ADGRE3: variants seen among roughly 807,000 people sequenced by gnomAD.
ADGRE3 encodes EGF-like module receptor 3.
In ADGRE3, 88 loss-of-function variants were observed where a neutral mutation model predicts 80.1. The ratio of observed to expected loss-of-function variants is 1.10; its 90% CI spans 0.93 to 1.31. ADGRE3 has a LOEUF of 1.31. Ranked by LOEUF, ADGRE3 falls within the 40% of genes most tolerant of loss-of-function variation. The pLI is 0.00. For missense variants in ADGRE3, 715 were observed against 776.5 expected, an observed-to-expected ratio of 0.92 and a Z score of 0.94; for synonymous variants, 281 against 294.8, an observed-to-expected ratio of 0.95 and a Z score of 0.48.
At chr19:14,661,590 C>CCTT (rs1971944768) in intron 4 of ADGRE3, among the ~76,000 whole-genome samples, 1 of 152,198 alleles carries the variant, frequency 6.6e-6, no homozygotes, top group South Asian at 2.1e-4. Context: ...ACTTGAACTT[C>CCTT]CTTCTTTCCT....
intron 14 of ADGRE3, among the ~76,000 whole-genome samples, chr19:14,627,337 T>C (rs146454378): frequency 3.9e-5 from 6 of 152,312 alleles, no homozygotes; most frequent in African/African-American, 1.4e-4. Context: ...CAATGAGTGC[T>C]TATACTCGTT....
chr19:14,642,135 G>C (rs1231439000), intron 9 of ADGRE3, among the ~76,000 whole-genome samples: 2 of 152,136 alleles, frequency 1.3e-5, no homozygotes, highest in East Asian at 1.9e-4. Flanking sequence ...TGCACGATAT[G>C]ATTGTACTTT....
At chr19:14,665,787 C>T (rs1400096705) in intron 2 of ADGRE3, among the ~76,000 whole-genome samples, 2 of 150,646 alleles carry the variant, frequency 1.3e-5, no homozygotes, top group Non-Finnish European at 3.0e-5. Flanking sequence ...GCCACCATGC[C>T]TAGCCTTTGG....
At chr19:14,614,589 T>G (rs979805617), downstream of ADGRE3, among the ~76,000 whole-genome samples, 24 of 152,026 alleles carry the variant, frequency 1.6e-4, no homozygotes, top group Middle Eastern at 3.2e-3. Flanking sequence ...AATCTTTTTT[T>G]TTTTTTGGGC....
At chr19:14,665,936 G>GTATATATATGTATATATATATATATATA (rs71166783) in intron 2 of ADGRE3, among the ~76,000 whole-genome samples, 1 of 42,098 alleles carries the variant, frequency 2.4e-5, no homozygotes, top group African/African-American at 1.1e-4. Flanking sequence ...ACACATATGT[G>GTATATATATGTATATATATATATATATA]TATATATATA....
rs1243000361 is a variant in ADGRE3, at chr19:14,647,162, A to C, written c.882+19T>G. 6.2e-7 allele frequency: 1 copy of C among 1,610,634 alleles called. No homozygotes were observed. The highest frequency in any genetic ancestry group is 1.3e-5 in the African/African-American group (1 of 74,816). ...GCCTCCTTGAGAACCCACAAGCTCAAATCATACCTGTGACCCACCTTCACG... is the reference window on the plus strand; with the variant it reads ...GCCTCCTTGAGAACCCACAAGCTCACATCATACCTGTGACCCACCTTCACG... On this transcript the variant is annotated intron_variant, in intron 8 of 15. Coordinates refer to ENST00000253673, the MANE Select transcript of ADGRE3 (RefSeq NM_032571.5).
chr19:14,633,144 C>T, intron 12 of ADGRE3, 92 bp downstream of exon 12: 1 of 1,336,364 alleles, frequency 7.5e-7, no homozygotes, highest in East Asian at 2.4e-5. Context: ...TCAAACCACC[C>T]AACAGTGGAA....
At chr19:14,600,891 C>CTTTT in the ADGRE3 span, among the ~76,000 whole-genome samples, 14 of 63,218 alleles carry the variant, frequency 2.2e-4, no homozygotes, top group Admixed American at 4.3e-4. Context: ...GCTCGGCCTT[C>CTTTT]TTTTTTTTTT....
chr19:14,627,235 G>C (rs1044892984), intron 14 of ADGRE3, among the ~76,000 whole-genome samples: 1 of 152,072 alleles, frequency 6.6e-6, no homozygotes, highest in African/African-American at 2.4e-5. Context: ...ACTGTCCCGT[G>C]GTGGGAACAC....
intron 11 of ADGRE3, among the ~76,000 whole-genome samples, chr19:14,637,720 G>A (rs1971133779): frequency 6.6e-6 from 1 of 151,854 alleles, no homozygotes; most frequent in African/African-American, 2.4e-5. Context: ...TAGAGATGAG[G>A]GCCTTGCTAT....
At chr19:14,650,330 A>G (rs554021879) in intron 7 of ADGRE3, among the ~76,000 whole-genome samples, 1 of 108,386 alleles carries the variant, frequency 9.2e-6, no homozygotes, top group Admixed American at 9.9e-5. Flanking sequence ...TTCTCTTTCC[A>G]TCTCTTTCCC....
downstream of ADGRE3, among the ~76,000 whole-genome samples, chr19:14,615,966 CTTT>C (rs376499489): frequency 1.4e-5 from 2 of 141,384 alleles, no homozygotes; most frequent in Admixed American, 7.1e-5. Context: ...CTCTGCCTTA[CTTT>C]TTTTTTTTTT....
chr19:14,607,109 G>T, the ADGRE3 span: 1 of 1,264,654 alleles, frequency 7.9e-7, no homozygotes, highest in Non-Finnish European at 1.0e-6. Context: ...TAAGGCAAGT[G>T]CTTGGGTTTC....
chr19:14,603,380 T>C, the ADGRE3 span, among the ~76,000 whole-genome samples: 1 of 152,140 alleles, frequency 6.6e-6, no homozygotes, highest in Non-Finnish European at 1.5e-5. Context: ...AGTTTTCTCA[T>C]CTACAAAATG....
At chr19:14,662,175 A>G (rs918437957) in intron 3 of ADGRE3, 57 bp from the exon 4 acceptor site, 40 of 1,557,572 alleles carry the variant, frequency 2.6e-5, no homozygotes, top group Non-Finnish European at 3.4e-5. Flanking sequence ...TTGAGCAGCT[A>G]CTATGTGTCA....
chr19:14,674,735 G>C lies in ADGRE3; in HGVS notation c.25+11C>G, dbSNP rs778464325. The C allele has an allele frequency of 6.2e-7, 1 of 1,613,380 alleles. No homozygotes were observed. The highest frequency in any genetic ancestry group is 8.5e-7 in the Non-Finnish European group (1 of 1,179,694). The stretch of plus-strand genomic sequence containing the variant: ...AGGTTAAGCCTCAGTCATTGTTACA[G>C]TCACACATACCTGGAAGAAGCAATG... On this transcript the variant is annotated intron_variant, in intron 1 of 15. Transcript: ENST00000253673.
chr19:14,630,005 A>C (rs759931438), intron 14 of ADGRE3, 34 bp downstream of exon 14: 1 of 1,435,950 alleles, frequency 7.0e-7, no homozygotes, highest in Non-Finnish European at 9.3e-7. Context: ...AATTTTCTTA[A>C]GTTTAAATAA....
At chr19:14,636,177 CT>C (rs1568481549) in intron 11 of ADGRE3, among the ~76,000 whole-genome samples, 12 of 20,572 alleles carry the variant, frequency 5.8e-4, no homozygotes, top group South Asian at 2.0e-3. Context: ...CTTTCCTTTC[CT>C]TCCTCTTTCT....
chr19:14,643,177 C>T (rs73506161), intron 9 of ADGRE3, among the ~76,000 whole-genome samples: 32,172 of 138,678 alleles, frequency 0.23, 3,927 homozygotes, highest in African/African-American at 0.33. Flanking sequence ...GACAGAGTCT[C>T]GCTCTGTCGC....
Sources: gnomAD v4.1 joint callset for allele counts (sites outside exome capture counted in the v4.1 genomes callset) on GRCh38, gnomAD v4.1.1 for gene constraint, MANE v1.5 for transcripts, NCBI Gene and HGNC (gene_info 2026-07-23, HGNC 2026-07-21) for gene names.